PLD5: variants seen among roughly 807,000 people sequenced by gnomAD.
The protein encoded by PLD5 is inactive phospholipase D5.
In PLD5, 36 loss-of-function variants were observed where a neutral mutation model predicts 61.1. That is an observed-to-expected ratio of 0.59 (90% CI 0.45 to 0.78). The LOEUF is 0.78. PLD5 is among the 30% of genes least tolerant of loss of function. The pLI is 0.00. For missense variants in PLD5, 515 were observed against 644.4 expected (o/e 0.80, Z 2.17); for synonymous variants, 243 against 242.8 (o/e 1.00, Z -0.01).
intron 5 of PLD5, among the ~76,000 whole-genome samples, chr1:242,189,175 G>A (rs1436677225): frequency 1.3e-5 from 2 of 152,178 alleles, no homozygotes; most frequent in Non-Finnish European, 2.9e-5. Context: ...GGCCAGGTGT[G>A]GTGGCTCACG....
At chr1:242,342,639 A>AC (rs1396819590) in intron 2 of PLD5, among the ~76,000 whole-genome samples, 2 of 152,102 alleles carry the variant, frequency 1.3e-5, no homozygotes, top group African/African-American at 4.8e-5. Flanking sequence ...AATGTCTTTC[A>AC]CCCCCTCAGG....
At chr1:242,099,501 C>A (rs890472975) in intron 9 of PLD5, among the ~76,000 whole-genome samples, 9 of 152,194 alleles carry the variant, frequency 5.9e-5, no homozygotes, top group Non-Finnish European at 8.8e-5. Flanking sequence ...TACGTTTACA[C>A]TGAGTCTGGG....
chr1:242,377,407 G>A (rs994873029), intron 1 of PLD5: 51 of 1,138,304 alleles, frequency 4.5e-5, no homozygotes, highest in East Asian at 7.0e-5. Context: ...TTCCGCTTGG[G>A]ACTGGGGACC....
chr1:242,264,746 A>C (rs565884220), intron 4 of PLD5, among the ~76,000 whole-genome samples: 10 of 152,320 alleles, frequency 6.6e-5, no homozygotes, highest in Admixed American at 5.2e-4. Flanking sequence ...AAAACAGTAA[A>C]AACTATTTGG....
chr1:242,348,189 C>G lies in PLD5; in HGVS notation c.243G>C (p.Leu81=). 6.2e-7 allele frequency: 1 copy of G among 1,613,480 alleles called. No homozygotes were observed. Among genetic ancestry groups the G allele is most frequent in the Non-Finnish European group, 8.5e-7 (1 of 1,179,792 alleles). ...CCACGGCTGAAAAGATCAGTGCAAC[C>G]AGAATGGCAAAGCAGCACACCAGGG... ...IFALVCCFAI[L]VALIFSAVDI... Residue 81 remains leucine, a synonymous_variant, in exon 2 of 10, where the codon CTG becomes CTC. Coordinates refer to ENST00000536534, the MANE Select transcript of PLD5 (RefSeq NM_001372062.1).
chr1:242,321,687 A>G (rs1435910055), intron 2 of PLD5, among the ~76,000 whole-genome samples: 2 of 151,930 alleles, frequency 1.3e-5, no homozygotes, highest in Non-Finnish European at 2.9e-5. Context: ...TGCCATCATT[A>G]CCTGTTTTTG....
chr1:242,247,054 A>G (rs61845479), intron 4 of PLD5, among the ~76,000 whole-genome samples: 17,443 of 147,752 alleles, frequency 0.12, 1,261 homozygotes, highest in South Asian at 0.25. Context: ...CGCGATCTCG[A>G]CTCACTGCAA....
At chr1:242,422,844 CTCTTT>C (rs1169160673) in intron 1 of PLD5, among the ~76,000 whole-genome samples, 1 of 94,856 alleles carries the variant, frequency 1.1e-5, no homozygotes, top group Non-Finnish European at 1.9e-5. Context: ...CCGTATTTCT[CTCTTT>C]TTTTTTTTTT....
At chr1:242,521,872 C>T (rs1669291222) in intron 1 of PLD5, among the ~76,000 whole-genome samples, 1 of 152,084 alleles carries the variant, frequency 6.6e-6, no homozygotes, top group Non-Finnish European at 1.5e-5. Context: ...TTTGACATCT[C>T]AAACATTAAT....
intron 5 of PLD5, among the ~76,000 whole-genome samples, chr1:242,156,042 G>T (rs1185380290): frequency 6.6e-6 from 1 of 152,054 alleles, no homozygotes; most frequent in Non-Finnish European, 1.5e-5. Context: ...TCCTGTATTG[G>T]GTGCATATAC....
intron 1 of PLD5, chr1:242,365,939 T>G (rs1316860165): frequency 6.6e-6 from 1 of 152,160 alleles, no homozygotes; most frequent in Non-Finnish European, 1.5e-5. Flanking sequence ...GTAAATGAAT[T>G]TTTAGTTAAA....
chr1:242,442,911 T>C (rs1371172775), intron 1 of PLD5, among the ~76,000 whole-genome samples: 1 of 152,202 alleles, frequency 6.6e-6, no homozygotes, highest in Non-Finnish European at 1.5e-5. Flanking sequence ...CCATCAGTGA[T>C]TTTAAACTTA....
chr1:242,321,277 C>T (rs1051629929), intron 2 of PLD5, among the ~76,000 whole-genome samples: 5 of 150,780 alleles, frequency 3.3e-5, no homozygotes, highest in African/African-American at 1.2e-4. Context: ...AAGCATTTAC[C>T]ATCTATTCTT....
intron 2 of PLD5, among the ~76,000 whole-genome samples, chr1:242,327,008 G>A (rs1028666678): frequency 6.6e-6 from 1 of 152,008 alleles, no homozygotes; most frequent in African/African-American, 2.4e-5. Context: ...TGGGACTATA[G>A]GTGCACACCA....
intron 1 of PLD5, among the ~76,000 whole-genome samples, chr1:242,441,470 T>C (rs962758961): frequency 2.0e-5 from 3 of 152,170 alleles, no homozygotes; most frequent in Non-Finnish European, 2.9e-5. Context: ...GTTTCTTTAG[T>C]AGTCATAAAA....
At chr1:242,239,540 C>T (rs960727200) in intron 4 of PLD5, among the ~76,000 whole-genome samples, 2 of 152,054 alleles carry the variant, frequency 1.3e-5, no homozygotes, top group Non-Finnish European at 2.9e-5. Context: ...CTTATATGTA[C>T]TCTGATTAAC....
chr1:242,460,518 CA>C (rs1210232553), intron 1 of PLD5, among the ~76,000 whole-genome samples: 2 of 152,146 alleles, frequency 1.3e-5, no homozygotes, highest in Non-Finnish European at 2.9e-5. Context: ...TCTAGGCTTT[CA>C]AACTTGATTT....
At chr1:242,511,973 T>C (rs1338629551) in intron 1 of PLD5, among the ~76,000 whole-genome samples, 1 of 152,144 alleles carries the variant, frequency 6.6e-6, no homozygotes, top group Non-Finnish European at 1.5e-5. Context: ...ATAGGCAGAC[T>C]CTTAGCAATG....
At chr1:242,372,855 G>C in intron 1 of PLD5, among the ~76,000 whole-genome samples, 1 of 152,010 alleles carries the variant, frequency 6.6e-6, no homozygotes, top group African/African-American at 2.4e-5. Context: ...AGAAAACCTA[G>C]GCAATACCAT....
Sources: allele counts gnomAD v4.1 joint callset (sites outside exome capture counted in the v4.1 genomes callset), GRCh38; gene constraint gnomAD v4.1.1; transcripts MANE v1.5; gene names NCBI Gene and HGNC (gene_info 2026-07-23, HGNC 2026-07-21).